Variants in DLG1 observed in about 807,000 individuals in gnomAD.
DLG1 encodes disks large homolog 1.
In DLG1, 42 loss-of-function variants were observed where a neutral mutation model predicts 123.4. The ratio of observed to expected loss-of-function variants is 0.34; its 90% CI spans 0.27 to 0.44. The LOEUF (loss-of-function observed/expected upper bound fraction) is 0.44. Among genes scored for constraint, DLG1 ranks in the 20% least tolerant of loss-of-function variants. The probability of loss-of-function intolerance (pLI) is 1.00; values close to 1 mark genes in which losing one functional copy is unlikely to be tolerated. For missense variants in DLG1, 942 were observed against 1,082.6 expected (o/e 0.87, Z 1.82); for synonymous variants, 317 against 356.2 (o/e 0.89, Z 1.24).
intron 8 of DLG1, among the ~76,000 whole-genome samples, chr3:197,139,542 CA>C (rs1560976405): frequency 6.6e-6 from 1 of 152,008 alleles, no homozygotes; most frequent in East Asian, 1.9e-4. Flanking sequence ...TTATGACCCT[CA>C]AAAAATCAAA....
chr3:197,047,701 T>C (rs1177015434), intron 24 of DLG1, among the ~76,000 whole-genome samples: 1 of 151,988 alleles, frequency 6.6e-6, no homozygotes, highest in East Asian at 1.9e-4. Context: ...CTTAAATAAA[T>C]GGTGCTGGAA....
intron 19 of DLG1, among the ~76,000 whole-genome samples, chr3:197,067,878 C>A (rs1346639801): frequency 6.8e-6 from 1 of 146,498 alleles, no homozygotes; most frequent in East Asian, 1.9e-4. Context: ...GAGTTTTAAA[C>A]TAACACACAC....
At chr3:197,098,956 A>G (rs1240119686) in intron 14 of DLG1, among the ~76,000 whole-genome samples, 1 of 152,038 alleles carries the variant, frequency 6.6e-6, no homozygotes, top group African/African-American at 2.4e-5. Flanking sequence ...TAAGATTCCT[A>G]CCTTTTCCTT....
chr3:197,176,697 G>A (rs1807279703), intron 5 of DLG1, among the ~76,000 whole-genome samples: 1 of 152,040 alleles, frequency 6.6e-6, no homozygotes, highest in South Asian at 2.1e-4. Context: ...CTTTATCCAT[G>A]CACACACTGA....
At chr3:197,059,707 A>G (rs1326721200) in intron 23 of DLG1, among the ~76,000 whole-genome samples, 182 bp downstream of exon 23, 7 of 151,180 alleles carry the variant, frequency 4.6e-5, no homozygotes, top group Non-Finnish European at 8.9e-5. Context: ...AATGATGATG[A>G]TTACAATGAC....
At chr3:197,044,847 C>T in intron 24 of DLG1, 118 bp from the exon 25 acceptor site, 2 of 515,142 alleles carry the variant, frequency 3.9e-6, no homozygotes, top group Non-Finnish European at 6.6e-6. Flanking sequence ...CAGGAAGAAT[C>T]ACCATTTACA....
At chr3:197,062,736 G>A (rs1380856295) in intron 22 of DLG1, among the ~76,000 whole-genome samples, 1 of 152,126 alleles carries the variant, frequency 6.6e-6, no homozygotes, top group Non-Finnish European at 1.5e-5. Flanking sequence ...CCGGGCCCCA[G>A]ATATTCTCAT....
intron 4 of DLG1, among the ~76,000 whole-genome samples, chr3:197,221,941 C>T (rs1737311605): frequency 1.3e-5 from 2 of 152,158 alleles, no homozygotes; most frequent in Admixed American, 6.5e-5. Context: ...TTGCACATAA[C>T]CTATGTACAT....
At chr3:197,147,510 T>C (rs1205286112) in intron 6 of DLG1, among the ~76,000 whole-genome samples, 1 of 150,734 alleles carries the variant, frequency 6.6e-6, no homozygotes, top group Non-Finnish European at 1.5e-5. Context: ...AATGAAATAA[T>C]GGCATTTGCA....
intron 4 of DLG1, among the ~76,000 whole-genome samples, chr3:197,261,559 A>C (rs949838337): frequency 5.9e-5 from 9 of 152,222 alleles, no homozygotes; most frequent in Non-Finnish European, 1.3e-4. Flanking sequence ...ATTATGAATG[A>C]CCTCAAGTTC....
Position 197,044,502 on chromosome 3 carries a change from C to A in DLG1, c.*121G>T. 1 of 576,332 alleles carries A rather than the reference C, an allele frequency of 1.7e-6. No individual in the cohort carries two copies. The highest frequency in any genetic ancestry group is 3.1e-6 in the Non-Finnish European group (1 of 324,840). The allele number at this position is 576,332 out of a possible 1,614,324, so 35.7% of individuals were successfully genotyped here. ...TACATGTGAAAAAGAAGCTGCAGAC[C>A]ATGATGTGTGGGATACAATTCAACA... is the stretch of plus-strand genomic sequence containing the variant. On this transcript the variant is annotated 3_prime_UTR_variant, in exon 25 of 25. Transcript: ENST00000667157.
At chr3:197,158,767 C>A (rs925453124) in intron 5 of DLG1, among the ~76,000 whole-genome samples, 3 of 151,948 alleles carry the variant, frequency 2.0e-5, no homozygotes, top group African/African-American at 4.8e-5. Context: ...ACCTAGTAGG[C>A]CCCTAGAGGA....
In DLG1 at chr3:197,197,185, T is replaced by C. The variant is rs575087850; in HGVS notation, c.319-2596A>G. Among the ~76,000 whole-genome samples the C allele has an allele frequency of 4.6e-5, 7 of 152,308 alleles. No homozygotes were observed. In the East Asian group the frequency reaches 1.2e-3, roughly 25 times the overall value. ...GGCCCTTCAATGCAGACCTTTTGCTTCCGTATTTCCTGTAAATTGGTAGCT... is the reference window on the plus strand; with the variant it reads ...GGCCCTTCAATGCAGACCTTTTGCTCCCGTATTTCCTGTAAATTGGTAGCT... On this transcript the variant is annotated intron_variant, in intron 4 of 24. Coordinates refer to ENST00000667157, the MANE Select transcript of DLG1 (RefSeq NM_001366207.1).
intron 6 of DLG1, among the ~76,000 whole-genome samples, chr3:197,145,880 G>T (rs536373580): frequency 2.2e-4 from 34 of 151,234 alleles, no homozygotes; most frequent in African/African-American, 8.0e-4. Flanking sequence ...GGGTGGGGTA[G>T]GGTGGGGGCT....
chr3:197,149,870 A>G, intron 5 of DLG1, 74 bp from the exon 6 acceptor site: 1 of 867,796 alleles, frequency 1.2e-6, no homozygotes, highest in South Asian at 1.5e-5. Context: ...TGTTAGAGGC[A>G]TAGGAAAGAC....
chr3:197,205,844 G>A (rs1728243251), intron 4 of DLG1, among the ~76,000 whole-genome samples: 2 of 152,272 alleles, frequency 1.3e-5, no homozygotes, highest in South Asian at 4.2e-4. Flanking sequence ...TCCAGTTTCT[G>A]GGGACTGTCT....
At chr3:197,136,458 T>G in intron 10 of DLG1, 84 bp downstream of exon 10, 1 of 1,137,112 alleles carries the variant, frequency 8.8e-7, no homozygotes, top group South Asian at 1.7e-5. Context: ...TTAGACCTTT[T>G]TGGTATGGAG....
chr3:197,071,846 C>T (rs1376199110), intron 18 of DLG1, among the ~76,000 whole-genome samples: 1 of 152,156 alleles, frequency 6.6e-6, no homozygotes, highest in Non-Finnish European at 1.5e-5. Context: ...AATGGGCAAA[C>T]TGGTAAAACT....
chr3:197,053,458 T>C (rs1017131561), intron 23 of DLG1, among the ~76,000 whole-genome samples: 5 of 152,160 alleles, frequency 3.3e-5, no homozygotes, highest in African/African-American at 4.8e-5. Context: ...CACTGTTTTC[T>C]GGCCTCCAGA....
Sources: gnomAD v4.1 joint callset for allele counts (sites outside exome capture counted in the v4.1 genomes callset) on GRCh38, gnomAD v4.1.1 for gene constraint, MANE v1.5 for transcripts, NCBI Gene and HGNC (gene_info 2026-07-23, HGNC 2026-07-21) for gene names.